PIK3AP1: variants seen among roughly 807,000 people sequenced by gnomAD.
PIK3AP1 encodes the protein phosphoinositide-3-kinase adaptor protein 1, also known as phosphoinositide 3-kinase adapter protein 1.
PIK3AP1 carries 21 observed loss-of-function variants against 88.1 expected under a neutral mutation model. That is an observed-to-expected ratio of 0.24 (90% CI 0.17 to 0.34). PIK3AP1 has a LOEUF of 0.34. Among genes scored for constraint, PIK3AP1 ranks in the 10% least tolerant of loss-of-function variants. The pLI, the probability that PIK3AP1 is intolerant of heterozygous loss-of-function variation, is 1.00. For synonymous variants in PIK3AP1, 398 were observed against 400.0 expected, an observed-to-expected ratio of 1.00 and a Z score of 0.06; for missense variants, 828 against 1,035.7, an observed-to-expected ratio of 0.80 and a Z score of 2.75.
intron 2 of PIK3AP1, among the ~76,000 whole-genome samples, chr10:96,665,521 G>A (rs1843748844): frequency 2.0e-5 from 3 of 152,182 alleles, no homozygotes; most frequent in Admixed American, 2.0e-4. Flanking sequence ...GTCAGTATAT[G>A]AGTCACTGTC....
chr10:96,603,630 T>C, intron 15 of PIK3AP1: 1 of 154,466 alleles, frequency 6.5e-6, no homozygotes. Context: ...GCAGGTGGCC[T>C]CTTGTGGGAC....
At chr10:96,677,963 A>G (rs1299847496) in intron 2 of PIK3AP1, among the ~76,000 whole-genome samples, 4 of 152,068 alleles carry the variant, frequency 2.6e-5, no homozygotes, top group Non-Finnish European at 5.9e-5. Context: ...AATTTTATTT[A>G]TTTATTTATT....
chr10:96,709,269 C>T (rs1389810040), intron 2 of PIK3AP1, among the ~76,000 whole-genome samples: 1 of 152,038 alleles, frequency 6.6e-6, no homozygotes, highest in Non-Finnish European at 1.5e-5. Flanking sequence ...GCCTCCCAGC[C>T]CCAACTACTT....
At chr10:96,704,627 A>C (rs1043095521) in intron 2 of PIK3AP1, among the ~76,000 whole-genome samples, 42 of 152,006 alleles carry the variant, frequency 2.8e-4, no homozygotes, top group Admixed American at 7.2e-4. Context: ...CTGAGGCAGG[A>C]GAATTGCTCG....
At chr10:96,605,568 T>A (rs1848989073) in intron 14 of PIK3AP1, among the ~76,000 whole-genome samples, 2 of 152,214 alleles carry the variant, frequency 1.3e-5, no homozygotes, top group Admixed American at 6.5e-5. Flanking sequence ...ATCTTAGGTT[T>A]GCTGAATTTC....
At chr10:96,623,929 G>A (rs890463488) in intron 10 of PIK3AP1, among the ~76,000 whole-genome samples, 1 of 152,236 alleles carries the variant, frequency 6.6e-6, no homozygotes, top group African/African-American at 2.4e-5. Flanking sequence ...CAGTAGAACA[G>A]CAAAATGTGT....
intron 2 of PIK3AP1, among the ~76,000 whole-genome samples, chr10:96,692,725 G>T (rs1050180687): frequency 2.6e-5 from 4 of 152,076 alleles, no homozygotes; most frequent in Non-Finnish European, 4.4e-5. Flanking sequence ...CTATAAAAGG[G>T]GTATAGCTCA....
intron 14 of PIK3AP1, among the ~76,000 whole-genome samples, chr10:96,606,860 G>GAA (rs1381723639): frequency 6.6e-6 from 1 of 151,990 alleles, no homozygotes; most frequent in Non-Finnish European, 1.5e-5. Context: ...AGGAGTGAGA[G>GAA]AAAAAAATGA....
At chr10:96,602,989 C>A (rs1185396507) in intron 15 of PIK3AP1, among the ~76,000 whole-genome samples, 2 of 152,118 alleles carry the variant, frequency 1.3e-5, no homozygotes, top group African/African-American at 4.8e-5. Context: ...GAACAGTGAC[C>A]CCGGCTCCCT....
chr10:96,663,491 A>G (rs1164156212), intron 2 of PIK3AP1, among the ~76,000 whole-genome samples: 1 of 151,870 alleles, frequency 6.6e-6, no homozygotes, highest in African/African-American at 2.4e-5. Context: ...TTAGCCGGGC[A>G]TGGTGGTATA....
At chr10:96,716,618 T>A (rs1470026479) in intron 1 of PIK3AP1, among the ~76,000 whole-genome samples, 2 of 152,252 alleles carry the variant, frequency 1.3e-5, no homozygotes, top group Non-Finnish European at 2.9e-5. Flanking sequence ...AATATAGGAC[T>A]AAATGCTTTG....
rs142330450 is a variant in PIK3AP1 at position 96,694,245 on chromosome 10, A to G, written c.430+15322T>C. 4.5e-3 allele frequency among the ~76,000 whole-genome samples: 678 copies of G among 152,276 alleles called. 3 individuals are homozygous for G. Among genetic ancestry groups the G allele is most frequent in the African/African-American group, 0.016 (652 of 41,550 alleles). On this transcript the variant is annotated intron_variant, in intron 2 of 16. Transcript: ENST00000339364. Reference sequence around the variant, plus strand: ...TAGGACACATAAACTTCACAATGGCAGGGGGTGCATCTGACTTTTTCATCA... The same window carrying G: ...TAGGACACATAAACTTCACAATGGCGGGGGGTGCATCTGACTTTTTCATCA...
rs373710563 is a variant in PIK3AP1 at position 96,641,909 on chromosome 10, C to T, written c.1375+3564G>A. ...CTGCAAATACGCATTTTAGATTTAGCAGTTTGTCCTTTATCCTACTTCTTT... is the reference window on the plus strand; with the variant it reads ...CTGCAAATACGCATTTTAGATTTAGTAGTTTGTCCTTTATCCTACTTCTTT... On this transcript the variant is annotated intron_variant, in intron 8 of 16. Coordinates refer to ENST00000339364, the MANE Select transcript of PIK3AP1 (RefSeq NM_152309.3). Among the ~76,000 whole-genome samples the T allele has an allele frequency of 2.0e-5, 3 of 152,264 alleles. No homozygotes were observed. The East Asian group carries it at 5.8e-4, about 29-fold the overall frequency.
intron 2 of PIK3AP1, among the ~76,000 whole-genome samples, chr10:96,676,803 C>T (rs1298282575): frequency 9.9e-5 from 15 of 152,122 alleles, no homozygotes; most frequent in Admixed American, 2.0e-4. Flanking sequence ...CTCCATTCCA[C>T]AGGGACTTCT....
intron 14 of PIK3AP1, among the ~76,000 whole-genome samples, chr10:96,604,843 A>C (rs935195722): frequency 6.6e-6 from 1 of 152,128 alleles, no homozygotes; most frequent in African/African-American, 2.4e-5. Context: ...CAAAATGCAA[A>C]GTACACACTC....
At chr10:96,634,877 C>G (rs1843292610) in intron 8 of PIK3AP1, among the ~76,000 whole-genome samples, 1 of 152,196 alleles carries the variant, frequency 6.6e-6, no homozygotes, top group South Asian at 2.1e-4. Flanking sequence ...AGAGGAGGAT[C>G]TGTCTCCTTG....
chr10:96,597,315 C>A (rs140779540), intron 16 of PIK3AP1, among the ~76,000 whole-genome samples: 1 of 129,138 alleles, frequency 7.7e-6, no homozygotes, highest in African/African-American at 3.0e-5. Flanking sequence ...TCCTTCCTTC[C>A]TTCCTTCCTT....
At chr10:96,705,835 C>T (rs1363730805) in intron 2 of PIK3AP1, among the ~76,000 whole-genome samples, 1 of 151,168 alleles carries the variant, frequency 6.6e-6, no homozygotes. Context: ...CTGCTCCAGC[C>T]TCCCAAAGTG....
chr10:96,651,755 T>C (rs569274294), intron 4 of PIK3AP1, 104 bp from the exon 5 acceptor site: 3 of 1,327,544 alleles, frequency 2.3e-6, no homozygotes, highest in African/African-American at 3.0e-5. Flanking sequence ...AGGACACTAA[T>C]TGGGGGCTGG....
Sources: gnomAD v4.1 joint callset for allele counts (sites outside exome capture counted in the v4.1 genomes callset) on GRCh38, gnomAD v4.1.1 for gene constraint, MANE v1.5 for transcripts, NCBI Gene and HGNC (gene_info 2026-07-23, HGNC 2026-07-21) for gene names.